IQGAP2: variants seen among roughly 807,000 people sequenced by gnomAD.
The protein encoded by IQGAP2 is IQ motif containing GTPase activating protein 2, also known as ras GTPase-activating-like protein IQGAP2.
Under a neutral mutation model 201.3 loss-of-function variants are expected in IQGAP2, and 173 were observed. That is an observed-to-expected ratio of 0.86 (90% CI 0.76 to 0.98). The LOEUF (loss-of-function observed/expected upper bound fraction) is 0.98. IQGAP2 is among the 50% of genes least tolerant of loss of function. The pLI, the probability that IQGAP2 is intolerant of heterozygous loss-of-function variation, is 0.00. For synonymous variants in IQGAP2, 675 were observed against 673.9 expected (o/e 1.00, Z -0.03); for missense variants, 1,687 against 1,864.8 (o/e 0.90, Z 1.76).
At position 76,633,613 on chromosome 5, in the gene IQGAP2, T is replaced by C. The variant is rs114072978; in HGVS notation, c.1780+1587T>C. On this transcript the variant is annotated intron_variant, in intron 15 of 35. Transcript: ENST00000274364. ...AGAGGTTTTTAGTATATTCACAAGG[T>C]TGTACATCCAACACCTCTAGTTAAT... is the stretch of plus-strand genomic sequence containing the variant. 8.8e-3 allele frequency among the ~76,000 whole-genome samples: 1,347 copies of C among 152,270 alleles called. 16 individuals are homozygous for C. Among genetic ancestry groups the C allele is most frequent in the African/African-American group, 0.03 (1,261 of 41,548 alleles).
At chr5:76,419,863 TTC>T (rs754330412) in intron 1 of IQGAP2, among the ~76,000 whole-genome samples, 20 of 152,330 alleles carry the variant, frequency 1.3e-4, no homozygotes, top group Non-Finnish European at 2.6e-4. Flanking sequence ...AAAGACATTC[TTC>T]TCTCCAGCTT....
At chr5:76,567,021 A>G (rs928762179) in intron 3 of IQGAP2, among the ~76,000 whole-genome samples, 16 of 152,264 alleles carry the variant, frequency 1.1e-4, no homozygotes, top group East Asian at 3.9e-4. Flanking sequence ...TCAAAGATGA[A>G]TAGTACTCTG....
At position 76,623,018 on chromosome 5, in the gene IQGAP2, T is replaced by C. The variant is rs1379317796; in HGVS notation, c.1522-4392T>C. The C allele has an allele frequency of 5.4e-6, 4 of 742,136 alleles. No homozygotes were observed. The Admixed American group carries it at 6.7e-5, about 12-fold the overall frequency. 46.0% of individuals were successfully genotyped at this position (742,136 alleles called of 1,614,324 possible). A position where few individuals can be genotyped will look rare whatever the true frequency, so the allele number is the denominator to read the frequency against. On this transcript the variant is annotated intron_variant, in intron 13 of 35. Transcript: ENST00000274364. ...AGAGTGAATGAACTATAGATGTTCA[T>C]TTCCATGATTCTACCTTTTAATAAT... is the stretch of plus-strand genomic sequence containing the variant.
At chr5:76,437,849 A>G (rs2150100179) in intron 1 of IQGAP2, among the ~76,000 whole-genome samples, 1 of 152,288 alleles carries the variant, frequency 6.6e-6, no homozygotes, top group South Asian at 2.1e-4. Context: ...ACATGCATAC[A>G]TCTTTATAAC....
At chr5:76,459,634 G>T (rs1167588124) in intron 1 of IQGAP2, among the ~76,000 whole-genome samples, 1 of 151,964 alleles carries the variant, frequency 6.6e-6, no homozygotes, top group African/African-American at 2.4e-5. Flanking sequence ...AAAACACAGG[G>T]AAAGAAATAT....
At chr5:76,638,735 T>C (rs529423846) in intron 16 of IQGAP2, among the ~76,000 whole-genome samples, 3 of 152,240 alleles carry the variant, frequency 2.0e-5, no homozygotes, top group Non-Finnish European at 2.9e-5. Flanking sequence ...TGCATAATCA[T>C]GGCTTTGTTA....
intron 2 of IQGAP2, among the ~76,000 whole-genome samples, chr5:76,511,249 G>T (rs1757941849): frequency 6.6e-6 from 1 of 152,158 alleles, no homozygotes; most frequent in Non-Finnish European, 1.5e-5. Context: ...GCTGTGTGAT[G>T]GTAGGGGTCA....
At chr5:76,608,631 G>C (rs1312883557) in intron 12 of IQGAP2, among the ~76,000 whole-genome samples, 4 of 152,226 alleles carry the variant, frequency 2.6e-5, no homozygotes, top group Admixed American at 6.5e-5. Context: ...TTGTGATGTG[G>C]GTGAGGTAAG....
At chr5:76,627,542 G>C in intron 14 of IQGAP2, 42 bp downstream of exon 14, 1 of 1,112,428 alleles carries the variant, frequency 9.0e-7, no homozygotes, top group African/African-American at 1.6e-5. Flanking sequence ...TGCCTTTTTG[G>C]ATTTGGTTAT....
chr5:76,658,791 C>A, intron 21 of IQGAP2, 124 bp downstream of exon 21: 1 of 840,068 alleles, frequency 1.2e-6, no homozygotes, highest in Non-Finnish European at 1.9e-6. Flanking sequence ...CATCCTGATG[C>A]AAACATCATA....
Position 76,510,497 on chromosome 5 carries a change from G to A in IQGAP2, c.146+48828G>A, listed in dbSNP as rs566253686. 121 of 348,958 alleles carry A rather than the reference G, an allele frequency of 3.5e-4. No individual in the cohort carries two copies. The East Asian group carries it at 9.6e-3, about 28-fold the overall frequency. 21.6% of individuals were successfully genotyped at this position (348,958 alleles called of 1,614,324 possible). On this transcript the variant is annotated intron_variant, in intron 2 of 35. Coordinates refer to ENST00000274364, the MANE Select transcript of IQGAP2 (RefSeq NM_006633.5). ...ACAGGTGGCAGGATCCACTCAGGCT[G>A]CATCTCCCGTGGTGCTCATCTGGCT...
At chr5:76,404,142 A>G (rs192186938) in intron 1 of IQGAP2, among the ~76,000 whole-genome samples, 1,751 of 152,142 alleles carry the variant, frequency 0.012, 25 homozygotes, top group Non-Finnish European at 0.018. Flanking sequence ...TTGGCCTCAC[A>G]GGTGTAAGTC....
rs903722969 is a variant in IQGAP2 at position 76,508,700 on chromosome 5, G to T, written c.146+47031G>T. Among the ~76,000 whole-genome samples, 459 of 142,608 alleles carry T rather than the reference G, an allele frequency of 3.2e-3. 1 individual carries two copies. The highest frequency in any genetic ancestry group is 0.017 in the South Asian group (75 of 4,414). The allele number at this position is 142,608 out of a possible 152,430, so 93.6% of individuals were successfully genotyped here. On this transcript the variant is annotated intron_variant, in intron 2 of 35. Coordinates refer to ENST00000274364, the MANE Select transcript of IQGAP2 (RefSeq NM_006633.5). ...TCTGGTTTTTTTTTTGTTTTGTTTTGTTTTTTTTTTTTTAAAGATCACGTG... is the reference window on the plus strand; with the variant it reads ...TCTGGTTTTTTTTTTGTTTTGTTTTTTTTTTTTTTTTTTAAAGATCACGTG...
intron 1 of IQGAP2, 54 bp from the exon 2 acceptor site, chr5:76,461,516 G>A: frequency 8.3e-7 from 1 of 1,203,206 alleles, no homozygotes; most frequent in Non-Finnish European, 1.2e-6. Flanking sequence ...ATTGTCTCAG[G>A]TGTTTAATGA....
intron 32 of IQGAP2, 51 bp from the exon 33 acceptor site, chr5:76,697,936 T>A: frequency 6.9e-7 from 1 of 1,449,668 alleles, no homozygotes; most frequent in Non-Finnish European, 9.5e-7. Flanking sequence ...ACTGGCAATA[T>A]CATAAAGCAA....
chr5:76,408,252 T>C lies in IQGAP2; in HGVS notation c.46+4661T>C, dbSNP rs376310326. Among the ~76,000 whole-genome samples, 5 of 152,216 alleles carry C rather than the reference T, an allele frequency of 3.3e-5. No individual in the cohort carries two copies. In the South Asian group the frequency reaches 1.0e-3, roughly 32 times the overall value. Reference sequence around the variant, plus strand: ...GAAACAAAGGCTACTCAACGTCTGATTTGATAGGGTCAGGTAAGTCCTACA... The same window carrying C: ...GAAACAAAGGCTACTCAACGTCTGACTTGATAGGGTCAGGTAAGTCCTACA... On this transcript the variant is annotated intron_variant, in intron 1 of 35. Transcript: ENST00000274364.
intron 35 of IQGAP2, among the ~76,000 whole-genome samples, chr5:76,706,028 T>C (rs1415503901): frequency 6.6e-6 from 1 of 152,204 alleles, no homozygotes; most frequent in Non-Finnish European, 1.5e-5. Flanking sequence ...GAGGGCTTGT[T>C]CTCAGTACAG....
chr5:76,622,778 C>A (rs1749829857), intron 13 of IQGAP2, among the ~76,000 whole-genome samples: 2 of 152,086 alleles, frequency 1.3e-5, no homozygotes, highest in Non-Finnish European at 2.9e-5. Context: ...CTTGTTTCTC[C>A]CATTTATGTC....
At chr5:76,414,828 G>A (rs915724180) in intron 1 of IQGAP2, among the ~76,000 whole-genome samples, 3 of 152,200 alleles carry the variant, frequency 2.0e-5, no homozygotes, top group African/African-American at 7.2e-5. Flanking sequence ...TAACAGGTTG[G>A]AGGATTGTGC....
Sources: gnomAD v4.1 joint callset for allele counts (sites outside exome capture counted in the v4.1 genomes callset) on GRCh38, gnomAD v4.1.1 for gene constraint, MANE v1.5 for transcripts, NCBI Gene and HGNC (gene_info 2026-07-23, HGNC 2026-07-21) for gene names.